Variants in GALNTL5 observed in about 807,000 individuals in gnomAD.
GALNTL5 encodes polypeptide N-acetylgalactosaminyltransferase like 5, also known as inactive polypeptide N-acetylgalactosaminyltransferase-like protein 5.
GALNTL5 carries 44 observed loss-of-function variants against 51.0 expected under a neutral mutation model. The observed-to-expected ratio is 0.86, with a 90% CI of 0.68 to 1.11. GALNTL5 has a LOEUF of 1.11. Among genes scored for constraint, GALNTL5 ranks in the 50% least tolerant of loss-of-function variants. GALNTL5 has a pLI of 0.00. For synonymous variants in GALNTL5, 192 were observed against 182.8 expected, an observed-to-expected ratio of 1.05 and a Z score of -0.41; for missense variants, 528 against 531.8, an observed-to-expected ratio of 0.99 and a Z score of 0.07.
chr7:151,961,640 C>T lies in GALNTL5; in HGVS notation c.-40+5031C>T, dbSNP rs983754645. The stretch of plus-strand genomic sequence containing the variant: ...AGAGTGTGGGTCGAAGGAGGACAGA[C>T]GCTGACGGTCCTAGAGCTTGGATTT... On this transcript the variant is annotated intron_variant, in intron 1 of 8. Transcript: ENST00000392800. Among the ~76,000 whole-genome samples, 5 of 152,184 alleles carry T rather than the reference C, an allele frequency of 3.3e-5. No homozygotes were observed. The East Asian group carries it at 5.8e-4, about 18-fold the overall frequency.
At chr7:152,005,194 A>T (rs1201525249) in intron 6 of GALNTL5, among the ~76,000 whole-genome samples, 1 of 150,424 alleles carries the variant, frequency 6.6e-6, no homozygotes, top group African/African-American at 2.5e-5. Context: ...ACGACCAAAA[A>T]AGCTAGGTGC....
chr7:151,989,158 CTT>C (rs555212740), intron 5 of GALNTL5, among the ~76,000 whole-genome samples: 50 of 142,694 alleles, frequency 3.5e-4, no homozygotes, highest in East Asian at 3.1e-3. Flanking sequence ...TATTTTTTCT[CTT>C]TTTTTTTTTT....
Position 151,967,193 on chromosome 7 carries a change from A to C in GALNTL5, c.-39-15A>C. The C allele has an allele frequency of 6.5e-7, 1 of 1,532,854 alleles. No individual in the cohort carries two copies. Among genetic ancestry groups the C allele is most frequent in the South Asian group, 1.2e-5 (1 of 86,658 alleles). 95.0% of individuals were successfully genotyped at this position (1,532,854 alleles called of 1,614,324 possible). On this transcript the variant is annotated splice_polypyrimidine_tract_variant and intron_variant, in intron 1 of 8. Transcript: ENST00000392800. ...GAATATCTAATGCTGCTCCTCTTAA[A>C]TCATTCTGATTTAGGAAATTGAAAA...
intron 3 of GALNTL5, among the ~76,000 whole-genome samples, chr7:151,973,262 C>T (rs2081168788): frequency 6.6e-6 from 1 of 151,584 alleles, no homozygotes; most frequent in Admixed American, 6.6e-5. Flanking sequence ...CAAGACCAGC[C>T]TGGCCAGGAT....
chr7:151,985,541 T>A (rs2081350740), intron 4 of GALNTL5, among the ~76,000 whole-genome samples: 1 of 152,164 alleles, frequency 6.6e-6, no homozygotes, highest in Non-Finnish European at 1.5e-5. Flanking sequence ...GCCGATAGAC[T>A]CCTCAGCTTG....
chr7:151,970,249 C>T (rs536647806), intron 2 of GALNTL5, among the ~76,000 whole-genome samples: 1 of 152,234 alleles, frequency 6.6e-6, no homozygotes, highest in South Asian at 2.1e-4. Context: ...TTCTTTATCT[C>T]CCTATTTCCA....
chr7:152,017,905 A>C (rs10248412), intron 8 of GALNTL5, among the ~76,000 whole-genome samples: 1 of 151,132 alleles, frequency 6.6e-6, no homozygotes, highest in Non-Finnish European at 1.5e-5. Flanking sequence ...GAGTGCGGTG[A>C]TGCAATCTCG....
intron 7 of GALNTL5, among the ~76,000 whole-genome samples, chr7:152,008,391 AAAAT>A (rs1283038955): frequency 3.3e-5 from 5 of 151,764 alleles, no homozygotes. Flanking sequence ...TCTACTTCTT[AAAAT>A]AAATATATTT....
intron 4 of GALNTL5, among the ~76,000 whole-genome samples, chr7:151,985,560 G>A (rs773710374): frequency 1.7e-4 from 26 of 152,190 alleles, no homozygotes; most frequent in Admixed American, 4.6e-4. Flanking sequence ...TGGGGGAGCA[G>A]GGCCAGGGGC....
At chr7:151,976,212 A>G (rs781606168) in intron 3 of GALNTL5, among the ~76,000 whole-genome samples, 1 of 152,162 alleles carries the variant, frequency 6.6e-6, no homozygotes, top group Non-Finnish European at 1.5e-5. Context: ...CACTCACTTC[A>G]GATTATTAAT....
chr7:151,987,447 G>C (rs2081372233), intron 5 of GALNTL5, among the ~76,000 whole-genome samples, 166 bp downstream of exon 5: 1 of 152,192 alleles, frequency 6.6e-6, no homozygotes, highest in Non-Finnish European at 1.5e-5. Context: ...GCCTCTGAAA[G>C]TGTTCTGCTT....
chr7:152,007,688 G>T, intron 6 of GALNTL5, 139 bp from the exon 7 acceptor site: 1 of 658,468 alleles, frequency 1.5e-6, no homozygotes, highest in East Asian at 2.9e-5. Flanking sequence ...AAAGTGCTGG[G>T]ATTACAGGCA....
intron 1 of GALNTL5, among the ~76,000 whole-genome samples, chr7:151,962,436 C>CTTTTTT (rs61210832): frequency 0.48 from 54,724 of 113,548 alleles, 12,929 homozygotes; most frequent in Non-Finnish European, 0.57. Flanking sequence ...ATTTTTTTTT[C>CTTTTTT]TTTTTTTTTT....
In GALNTL5 at chr7:151,980,808, G is replaced by T. The variant is rs58612263; in HGVS notation, c.369-2178G>T. On this transcript the variant is annotated intron_variant, in intron 3 of 8. Transcript: ENST00000392800. ...TCGCCCAGGCTGGAGTGCAGTGGCG[G>T]GATCTCGGCTCACTGCAAGCTCCGC... 1.1e-3 allele frequency among the ~76,000 whole-genome samples: 141 copies of T among 128,734 alleles called. 5 individuals carry two copies. Among genetic ancestry groups the T allele is most frequent in the Non-Finnish European group, 1.6e-3 (101 of 62,544 alleles). 84.5% of individuals were successfully genotyped at this position (128,734 alleles called of 152,430 possible). A position where few individuals can be genotyped will look rare whatever the true frequency, so the allele number is the denominator to read the frequency against.
At chr7:152,010,781 AAT>A (rs149786406) in intron 7 of GALNTL5, among the ~76,000 whole-genome samples, 37,627 of 150,444 alleles carry the variant, frequency 0.25, 5,771 homozygotes, top group Non-Finnish European at 0.36. Flanking sequence ...AAAAAAAAAA[AAT>A]TATTTTTGAT....
chr7:151,959,451 T>C (rs965725573), intron 1 of GALNTL5, among the ~76,000 whole-genome samples: 1 of 152,228 alleles, frequency 6.6e-6, no homozygotes, highest in Non-Finnish European at 1.5e-5. Flanking sequence ...TTAATTGGCA[T>C]AATCAAATAT....
intron 5 of GALNTL5, among the ~76,000 whole-genome samples, chr7:151,997,190 G>A (rs1258411741): frequency 6.6e-6 from 1 of 152,212 alleles, no homozygotes; most frequent in Non-Finnish European, 1.5e-5. Flanking sequence ...TTGGAAGCAA[G>A]TAGGGGAAGA....
chr7:152,005,990 G>A (rs1242916271), intron 6 of GALNTL5, among the ~76,000 whole-genome samples: 1 of 152,170 alleles, frequency 6.6e-6, no homozygotes, highest in Non-Finnish European at 1.5e-5. Context: ...CACTATGTGG[G>A]TGAGTGGAGA....
chr7:151,972,611 C>T (rs1010644032), intron 3 of GALNTL5, among the ~76,000 whole-genome samples: 1 of 152,170 alleles, frequency 6.6e-6, no homozygotes, highest in Non-Finnish European at 1.5e-5. Flanking sequence ...ACAAGGTGCC[C>T]TGTGTCCCAG....
Sources: allele counts gnomAD v4.1 joint callset (sites outside exome capture counted in the v4.1 genomes callset), GRCh38; gene constraint gnomAD v4.1.1; transcripts MANE v1.5; gene names NCBI Gene and HGNC (gene_info 2026-07-23, HGNC 2026-07-21).